The following FSD2 variants were observed in gnomAD, a reference collection of about 807,000 sequenced individuals.
FSD2 encodes the protein fibronectin type III and SPRY domain containing 2.
Under a neutral mutation model 80.4 loss-of-function variants are expected in FSD2, and 71 were observed. The ratio of observed to expected loss-of-function variants is 0.88; its 90% CI spans 0.73 to 1.08. The LOEUF (loss-of-function observed/expected upper bound fraction) is 1.08. Among genes scored for constraint, FSD2 ranks in the 50% least tolerant of loss-of-function variants. FSD2 has a pLI of 0.00. For missense variants in FSD2, 923 were observed against 913.8 expected (o/e 1.01, Z -0.13); for synonymous variants, 361 against 329.5 (o/e 1.10, Z -1.03).
rs1030554795 is a variant in FSD2, at chr15:82,762,422, A to G, written c.1821-144T>C. 6.5e-5 allele frequency: 43 copies of G among 662,866 alleles called. 1 individual carries two copies. The highest frequency in any genetic ancestry group is 8.5e-5 in the Non-Finnish European group (34 of 397,854). 41.1% of individuals were successfully genotyped at this position (662,866 alleles called of 1,614,324 possible). A position where few individuals can be genotyped will look rare whatever the true frequency, so the allele number is the denominator to read the frequency against. On this transcript the variant is annotated intron_variant, in intron 11 of 12. Coordinates refer to ENST00000334574, the MANE Select transcript of FSD2 (RefSeq NM_001007122.4). ...CTTCTGGACACTTAACTTGTAAAGT[A>G]CCCTTAGCTCTCAAAGCTCAGTGGG...
chr15:82,757,706 G>C lies in FSD2; in HGVS notation c.*1642C>G, dbSNP rs889614406. 6.6e-6 allele frequency: 1 copy of C among 152,144 alleles called. No individual in the cohort carries two copies. The highest frequency in any genetic ancestry group is 1.5e-5 in the Non-Finnish European group (1 of 68,048). The allele number at this position is 152,144 out of a possible 1,614,324, so 9.4% of individuals were successfully genotyped here. On this transcript the variant is annotated 3_prime_UTR_variant, in exon 13 of 13. Transcript: ENST00000334574. ...TGGAACTATTTCTGTGCTTACATCTGCTGTCCCTTGTTTCAGAGTAGACAG... is the reference window on the plus strand; with the variant it reads ...TGGAACTATTTCTGTGCTTACATCTCCTGTCCCTTGTTTCAGAGTAGACAG...
rs1485842273 is a variant in FSD2, at chr15:82,786,842, A to C, written c.549T>G (p.Cys183Trp). 4 of 1,614,044 alleles carry C rather than the reference A, an allele frequency of 2.5e-6. No homozygotes were observed. The highest frequency in any genetic ancestry group is 3.3e-5 in the Admixed American group (2 of 60,034). The part of the protein sequence containing the change: ...EEAADVFCVT[C>W]KTPIRAFQKV... The stretch of plus-strand genomic sequence containing the variant: ...TCTGAAAAGCTCTTATTGGAGTCTT[A>C]CAAGTGACACAGAAGACATCAGCAG... Residue 183 changes from cysteine (C) to tryptophan (W), a missense_variant, in exon 2 of 13, where the codon TGT (cysteine) becomes TGG (tryptophan). By Grantham distance (215) the Cys-to-Trp change is radical. Coordinates refer to ENST00000334574, the MANE Select transcript of FSD2 (RefSeq NM_001007122.4).
intron 1 of FSD2, among the ~76,000 whole-genome samples, chr15:82,800,527 A>G (rs567227006): frequency 4.6e-5 from 7 of 151,988 alleles, no homozygotes; most frequent in African/African-American, 1.7e-4. Flanking sequence ...CCCCGTCTCT[A>G]CTAAAAATAC....
chr15:82,790,554 G>GTA (rs1322945804), intron 1 of FSD2, among the ~76,000 whole-genome samples: 1 of 151,546 alleles, frequency 6.6e-6, no homozygotes, highest in Non-Finnish European at 1.5e-5. Flanking sequence ...TTGTGTGTGT[G>GTA]TGTGTGTGTG....
chr15:82,765,769 C>G, intron 10 of FSD2, 129 bp downstream of exon 10: 2 of 1,207,532 alleles, frequency 1.7e-6, no homozygotes, highest in Non-Finnish European at 2.3e-6. Flanking sequence ...TGAACTCCTT[C>G]TGGCCTGACT....
intron 6 of FSD2, 106 bp downstream of exon 6, chr15:82,778,660 A>T: frequency 7.7e-7 from 1 of 1,292,960 alleles, no homozygotes; most frequent in Non-Finnish European, 1.0e-6. Flanking sequence ...TGTACACTTT[A>T]AAATTTGTTA....
At chr15:82,789,883 CTG>C (rs1158149333) in intron 1 of FSD2, among the ~76,000 whole-genome samples, 2 of 152,106 alleles carry the variant, frequency 1.3e-5, no homozygotes, top group East Asian at 3.8e-4. Context: ...TAGCAAGACC[CTG>C]TCTCTTAAAA....
chr15:82,776,379 T>C (rs1179021833), intron 6 of FSD2, among the ~76,000 whole-genome samples: 1 of 152,242 alleles, frequency 6.6e-6, no homozygotes, highest in Non-Finnish European at 1.5e-5. Context: ...ACATGTGATC[T>C]AGCCTGGAGA....
chr15:82,788,494 GACC>G (rs1391708092), intron 1 of FSD2, among the ~76,000 whole-genome samples: 1 of 123,368 alleles, frequency 8.1e-6, no homozygotes, highest in African/African-American at 3.2e-5. Flanking sequence ...GACAGAGCAG[GACC>G]CTGTCTCAAA....
chr15:82,764,848 A>G (rs1035460926), intron 11 of FSD2, among the ~76,000 whole-genome samples: 2 of 151,702 alleles, frequency 1.3e-5, no homozygotes, highest in Non-Finnish European at 2.9e-5. Flanking sequence ...GACACCCTCC[A>G]CTAGTAATTC....
Position 82,779,032 on chromosome 15 carries a change from C to T in FSD2, c.990-145G>A. The T allele has an allele frequency of 4.0e-6, 4 of 1,002,914 alleles. No homozygotes were observed. The South Asian group carries it at 4.9e-5, about 12-fold the overall frequency. 62.1% of individuals were successfully genotyped at this position (1,002,914 alleles called of 1,614,324 possible). On this transcript the variant is annotated intron_variant, in intron 5 of 12. Coordinates refer to ENST00000334574, the MANE Select transcript of FSD2 (RefSeq NM_001007122.4). Reference sequence around the variant, plus strand: ...ACAAACAGCTGCTGGCTGCCATCTACCATCTTTTTTGGAGATTGACCTAGG... The same window carrying T: ...ACAAACAGCTGCTGGCTGCCATCTATCATCTTTTTTGGAGATTGACCTAGG...
In FSD2 at chr15:82,786,566, A is replaced by G. The variant is rs772713124; in HGVS notation, c.680T>C (p.Ile227Thr). The G allele has an allele frequency of 1.3e-5, 21 of 1,613,616 alleles. No homozygotes were observed. In the South Asian group the frequency reaches 1.8e-4, roughly 14 times the overall value. ...HKNMYKLEKQ[I>T]IEMENFANHL... ...ATTTGCAAAGTTTTCCATCTCAATT[A>G]TCTGCTTTTCCAATTTGTACATGTT... is the stretch of plus-strand genomic sequence containing the variant. The change falls in exon 3 of 13, where the codon ATA (isoleucine) becomes ACA (threonine). Residue 227 changes from isoleucine (I) to threonine (T), a missense_variant. Ile to Thr is a moderately conservative substitution (Grantham distance 89, BLOSUM62 -1). Transcript: ENST00000334574.
chr15:82,764,756 G>T (rs1017487367), intron 11 of FSD2, among the ~76,000 whole-genome samples: 2 of 151,932 alleles, frequency 1.3e-5, no homozygotes, highest in African/African-American at 4.8e-5. Flanking sequence ...GTGATTACAG[G>T]CATGAGCCAC....
At chr15:82,794,879 C>G (rs1003809811) in intron 1 of FSD2, among the ~76,000 whole-genome samples, 2 of 152,076 alleles carry the variant, frequency 1.3e-5, no homozygotes, top group African/African-American at 4.8e-5. Flanking sequence ...CGCCCGCCAC[C>G]ACGCCTGGCT....
At chr15:82,782,071 T>TAATAATAATAAC (rs2049873231) in intron 4 of FSD2, among the ~76,000 whole-genome samples, 1 of 68,238 alleles carries the variant, frequency 1.5e-5, no homozygotes, top group Non-Finnish European at 2.8e-5. Flanking sequence ...CTCAAAATAA[T>TAATAATAATAAC]AATAATAATA....
At chr15:82,781,416 G>A (rs938637062) in intron 4 of FSD2, among the ~76,000 whole-genome samples, 1 of 152,134 alleles carries the variant, frequency 6.6e-6, no homozygotes, top group Non-Finnish European at 1.5e-5. Flanking sequence ...TTTGAGGGGC[G>A]ACTGTACTCT....
chr15:82,784,976 T>C (rs1261092985), intron 3 of FSD2, among the ~76,000 whole-genome samples: 1 of 152,132 alleles, frequency 6.6e-6, no homozygotes, highest in Non-Finnish European at 1.5e-5. Flanking sequence ...GAAATAGATA[T>C]CAGCTGAGGA....
intron 12 of FSD2, among the ~76,000 whole-genome samples, chr15:82,760,090 G>A (rs530626412): frequency 2.0e-4 from 31 of 152,272 alleles, no homozygotes; most frequent in African/African-American, 7.5e-4. Flanking sequence ...CACTGCTTCT[G>A]GCCGAAACAT....
chr15:82,804,495 C>T (rs1401837737), intron 1 of FSD2, among the ~76,000 whole-genome samples: 1 of 152,056 alleles, frequency 6.6e-6, no homozygotes, highest in Non-Finnish European at 1.5e-5. Context: ...TGCTTGAATC[C>T]AAGCTTTTCA....
Sources: allele counts gnomAD v4.1 joint callset (sites outside exome capture counted in the v4.1 genomes callset), GRCh38; gene constraint gnomAD v4.1.1; transcripts MANE v1.5; gene names NCBI Gene and HGNC (gene_info 2026-07-23, HGNC 2026-07-21).